The following MAP2K6 variants were observed in gnomAD, a reference collection of about 807,000 sequenced individuals.
The protein encoded by MAP2K6 is dual specificity mitogen-activated protein kinase kinase 6.
A neutral mutation model predicts 53.7 loss-of-function variants in MAP2K6; 16 were observed. The ratio of observed to expected loss-of-function variants is 0.30; its 90% confidence interval spans 0.20 to 0.45. The LOEUF is 0.45. MAP2K6 is among the 20% of genes least tolerant of loss of function. The pLI is 1.00. For missense variants in MAP2K6, 204 were observed against 411.9 expected (o/e 0.50, Z 4.37); for synonymous variants, 132 against 143.1 (o/e 0.92, Z 0.55).
intron 1 of MAP2K6, among the ~76,000 whole-genome samples, chr17:69,487,400 G>A (rs1598285464): frequency 6.6e-6 from 1 of 152,178 alleles, no homozygotes. Context: ...ACTGTGCCTT[G>A]CATGTAACAC....
chr17:69,446,976 C>CTTTT (rs71357721), intron 1 of MAP2K6, among the ~76,000 whole-genome samples: 2 of 129,516 alleles, frequency 1.5e-5, no homozygotes, highest in African/African-American at 2.9e-5. Flanking sequence ...ACCTCTGTTT[C>CTTTT]TTTTTTTTTT....
At chr17:69,441,333 T>C (rs1906812237) in intron 1 of MAP2K6, among the ~76,000 whole-genome samples, 1 of 152,236 alleles carries the variant, frequency 6.6e-6, no homozygotes, top group Non-Finnish European at 1.5e-5. Flanking sequence ...ATTTTCTCTC[T>C]ATTTTTCAAA....
rs150280144 is a variant in MAP2K6, at chr17:69,447,626, G to A, written c.16+32626G>A. On this transcript the variant is annotated intron_variant, in intron 1 of 11. Coordinates refer to ENST00000590474, the MANE Select transcript of MAP2K6 (RefSeq NM_002758.4). ...CTCCCAAAGTGCTGGGATTACAGGC[G>A]TGAGCCACCATGCCCGGCTAGGAAT... Among the ~76,000 whole-genome samples the A allele has an allele frequency of 3.7e-3, 563 of 152,304 alleles. 2 individuals carry two copies. The highest frequency in any genetic ancestry group is 0.012 in the African/African-American group (491 of 41,546).
intron 2 of MAP2K6, among the ~76,000 whole-genome samples, chr17:69,510,268 A>G (rs559030557): frequency 6.6e-6 from 1 of 152,270 alleles, no homozygotes; most frequent in South Asian, 2.1e-4. Context: ...ATTCATTTTT[A>G]TGTACTCAGC....
intron 1 of MAP2K6, among the ~76,000 whole-genome samples, chr17:69,457,224 C>T (rs1247764148): frequency 6.6e-6 from 1 of 152,156 alleles, no homozygotes; most frequent in Non-Finnish European, 1.5e-5. Flanking sequence ...GCTAGTCCTT[C>T]TAATTACCTT....
chr17:69,539,248 G>A (rs563614209), intron 11 of MAP2K6, among the ~76,000 whole-genome samples: 15 of 152,280 alleles, frequency 9.9e-5, no homozygotes, highest in South Asian at 8.3e-4. Flanking sequence ...TCTATTCCTC[G>A]TAGTATGTTC....
chr17:69,512,328 G>GTT lies in MAP2K6; in HGVS notation c.84-4518_84-4517dup, dbSNP rs796414361. ...TTCTAATCTCATTGTCTTTCTAAGTGTTTTTTTTTTGTTTTTTTTTTTTTT... is the reference window on the plus strand; with the variant it reads ...TTCTAATCTCATTGTCTTTCTAAGTGTTTTTTTTTTTTGTTTTTTTTTTTTTT... On this transcript the variant is annotated intron_variant, in intron 2 of 11. Transcript: ENST00000590474. Among the ~76,000 whole-genome samples, 169 of 75,168 alleles carry GTT rather than the reference G, an allele frequency of 2.2e-3. 8 individuals carry two copies. Among genetic ancestry groups the GTT allele is most frequent in the African/African-American group, 2.7e-3 (55 of 20,490 alleles). The allele number at this position is 75,168 out of a possible 152,430, so 49.3% of individuals were successfully genotyped here.
At chr17:69,447,835 G>A (rs188343577) in intron 1 of MAP2K6, among the ~76,000 whole-genome samples, 4 of 152,322 alleles carry the variant, frequency 2.6e-5, no homozygotes, top group Admixed American at 6.5e-5. Flanking sequence ...AGGAGCTGAG[G>A]GACGCTTATT....
chr17:69,426,432 T>A (rs1906278621), intron 1 of MAP2K6, among the ~76,000 whole-genome samples: 1 of 152,224 alleles, frequency 6.6e-6, no homozygotes. Context: ...CAACAAATAT[T>A]TATGAGTGCA....
chr17:69,455,621 T>C (rs964311309), intron 1 of MAP2K6, among the ~76,000 whole-genome samples: 2 of 152,142 alleles, frequency 1.3e-5, no homozygotes, highest in African/African-American at 2.4e-5. Context: ...TGGTGTAAAC[T>C]AGGGATTAGC....
At chr17:69,479,877 C>T (rs907864332) in intron 1 of MAP2K6, among the ~76,000 whole-genome samples, 3 of 151,966 alleles carry the variant, frequency 2.0e-5, no homozygotes, top group Non-Finnish European at 2.9e-5. Flanking sequence ...GGATTGCAGG[C>T]GCACACCACC....
At chr17:69,449,547 TTC>T (rs1331024536) in intron 1 of MAP2K6, among the ~76,000 whole-genome samples, 1 of 113,882 alleles carries the variant, frequency 8.8e-6, no homozygotes, top group South Asian at 2.5e-4. Context: ...CTTTCTTTCT[TTC>T]TTTCTTTCTT....
intron 10 of MAP2K6, among the ~76,000 whole-genome samples, chr17:69,529,611 C>T (rs376945843): frequency 1.3e-5 from 2 of 150,682 alleles, no homozygotes; most frequent in Admixed American, 6.6e-5. Flanking sequence ...CCTGGGTTCA[C>T]GCCATTCTCC....
chr17:69,533,960 C>T (rs994453154), intron 10 of MAP2K6, among the ~76,000 whole-genome samples: 3 of 151,964 alleles, frequency 2.0e-5, no homozygotes, highest in African/African-American at 7.3e-5. Context: ...GAGAGGAAGC[C>T]GCAACAAGGA....
intron 6 of MAP2K6, 196 bp from the exon 7 acceptor site, chr17:69,520,853 A>G: frequency 2.0e-6 from 1 of 495,836 alleles, no homozygotes; most frequent in South Asian, 3.4e-5. Context: ...CCTCTCTGAT[A>G]TAAGATACAG....
chr17:69,459,555 T>A (rs920531081), intron 1 of MAP2K6, among the ~76,000 whole-genome samples: 3 of 151,476 alleles, frequency 2.0e-5, no homozygotes, highest in African/African-American at 7.3e-5. Context: ...CAACTAAAGA[T>A]ACAAAAATTA....
In MAP2K6 at chr17:69,543,716, G is replaced by C. The variant is rs578051315; in HGVS notation, c.*1963G>C. The C allele has an allele frequency of 6.6e-6, 1 of 152,154 alleles. No homozygotes were observed. Among genetic ancestry groups the C allele is most frequent in the Non-Finnish European group, 1.5e-5 (1 of 68,036 alleles). The allele number at this position is 152,154 out of a possible 1,614,324, so 9.4% of individuals were successfully genotyped here. A position where few individuals can be genotyped will look rare whatever the true frequency, so the allele number is the denominator to read the frequency against. The stretch of plus-strand genomic sequence containing the variant: ...TACTCCATTTTAGCTTTTGGTGAAC[G>C]ATGTAGAGCAAATTGTCTCTCTGGT... On this transcript the variant is annotated 3_prime_UTR_variant, in exon 12 of 12. Coordinates refer to ENST00000590474, the MANE Select transcript of MAP2K6 (RefSeq NM_002758.4).
intron 9 of MAP2K6, among the ~76,000 whole-genome samples, chr17:69,526,254 G>C (rs918564394): frequency 2.6e-4 from 40 of 152,330 alleles, no homozygotes; most frequent in African/African-American, 9.4e-4. Context: ...AATCCTCGTA[G>C]CTTTACATCC....
chr17:69,431,683 C>T (rs571968955), intron 1 of MAP2K6, among the ~76,000 whole-genome samples: 2 of 152,326 alleles, frequency 1.3e-5, no homozygotes, highest in East Asian at 3.9e-4. Context: ...GGTCTATCCC[C>T]TCCCTTTGCA....
Sources: gnomAD v4.1 joint callset for allele counts (sites outside exome capture counted in the v4.1 genomes callset) on GRCh38, gnomAD v4.1.1 for gene constraint, MANE v1.5 for transcripts, NCBI Gene and HGNC (gene_info 2026-07-23, HGNC 2026-07-21) for gene names.